The following NPR2 variants were observed in gnomAD, a reference collection of about 807,000 sequenced individuals.
The protein encoded by NPR2 is atrial natriuretic peptide receptor 2.
NPR2 carries 49 observed loss-of-function variants against 120.7 expected under a neutral mutation model. That is an observed-to-expected ratio of 0.41 (90% CI 0.32 to 0.52). The LOEUF (loss-of-function observed/expected upper bound fraction) is 0.52. NPR2 is among the 20% of genes least tolerant of loss of function. NPR2 has a pLI of 0.36. For synonymous variants in NPR2, 484 were observed against 519.8 expected (o/e 0.93, Z 0.94); for missense variants, 931 against 1,362.9 (o/e 0.68, Z 4.99).
rs572371584 is a variant in NPR2 at position 35,793,491 on chromosome 9, C to T, written c.668-407C>T. Reference sequence around the variant, plus strand: ...GTAAAAATAATGAGGGCTCCATGAACGGACTCAGGGCTCAGCAGATTTGGG... The same window carrying T: ...GTAAAAATAATGAGGGCTCCATGAATGGACTCAGGGCTCAGCAGATTTGGG... On this transcript the variant is annotated intron_variant, in intron 1 of 21. Coordinates refer to ENST00000342694, the MANE Select transcript of NPR2 (RefSeq NM_003995.4). Among the ~76,000 whole-genome samples, 6 of 152,180 alleles carry T rather than the reference C, an allele frequency of 3.9e-5. No individual in the cohort carries two copies. The South Asian group carries it at 6.2e-4, about 16-fold the overall frequency.
Position 35,794,042 on chromosome 9 carries a change from G to T in NPR2, c.812G>T (p.Gly271Val). Reference protein sequence around the residue: ...SLRAGPTRATGRPWQDNRTRE... With the variant: ...SLRAGPTRATVRPWQDNRTRE... Reference sequence around the variant, plus strand: ...CGTGCAGGCCCCACACGTGCTACAGGCCGGCCCTGGCAGGACAATCGCACC... The same window carrying T: ...CGTGCAGGCCCCACACGTGCTACAGTCCGGCCCTGGCAGGACAATCGCACC... The change falls in exon 2 of 22, where the codon GGC (glycine) becomes GTC (valine). Residue 271 changes from glycine to valine, a missense_variant. Physicochemically the swap from Gly to Val is moderately radical, Grantham distance 109. This residue lies in a region of NPR2 where 681 missense variants were observed against 974.3 expected (regional missense o/e 0.70). Coordinates refer to ENST00000342694, the MANE Select transcript of NPR2 (RefSeq NM_003995.4). 6.2e-7 allele frequency: 1 copy of T among 1,614,218 alleles called. No homozygotes were observed. Among genetic ancestry groups the T allele is most frequent in the South Asian group, 1.1e-5 (1 of 91,088 alleles).
At chr9:35,796,232 G>A (rs938323443) in intron 2 of NPR2, among the ~76,000 whole-genome samples, 2 of 152,116 alleles carry the variant, frequency 1.3e-5, no homozygotes, top group Non-Finnish European at 1.5e-5. Flanking sequence ...GCCCAAGTTG[G>A]AGAGCAGTGG....
rs1828602154 is a variant in NPR2 at position 35,809,128 on chromosome 9, A to T, written c.2987-28A>T. ...TGCCTTTTCTTTGATTCCTCATTCC[A>T]CCATCCTCCCCATTCCACCCACCCC... On this transcript the variant is annotated intron_variant, in intron 20 of 21. Coordinates refer to ENST00000342694, the MANE Select transcript of NPR2 (RefSeq NM_003995.4). This position sits in a 1 kb window ranked among gnomAD's most constrained non-coding sequence, Gnocchi z 4.1. The T allele has an allele frequency of 6.3e-7, 1 of 1,585,170 alleles. No individual in the cohort carries two copies. The highest frequency in any genetic ancestry group is 8.7e-7 in the Non-Finnish European group (1 of 1,154,148).
In NPR2 at chr9:35,791,702, G is replaced by A. The variant is rs1827787042; in HGVS notation, c.-707G>A. ...CAGGCGGGGGGCGGGAGGAAGCGCCGGGCAGCGCCGGCCGCCAGGGCCCAG... is the reference window on the plus strand; with the variant it reads ...CAGGCGGGGGGCGGGAGGAAGCGCCAGGCAGCGCCGGCCGCCAGGGCCCAG... On this transcript the variant is annotated 5_prime_UTR_variant, in exon 1 of 22. Transcript: ENST00000342694. 6.6e-6 allele frequency among the ~76,000 whole-genome samples: 1 copy of A among 151,264 alleles called. No individual in the cohort carries two copies. Among genetic ancestry groups the A allele is most frequent in the South Asian group, 2.1e-4 (1 of 4,820 alleles).
intron 12 of NPR2, among the ~76,000 whole-genome samples, chr9:35,804,324 C>T (rs992352781): frequency 6.6e-6 from 1 of 151,928 alleles, no homozygotes; most frequent in East Asian, 1.9e-4. Flanking sequence ...GCTTCGACCT[C>T]CTGGGCTCAA....
chr9:35,802,577 C>A lies in NPR2; in HGVS notation c.1785C>A (p.Val595=). Residue 595 remains valine (V), a synonymous_variant, in exon 11 of 22, where the codon GTC becomes GTA. Transcript: ENST00000342694. The surrounding 1 kb of genome is among the most constrained non-coding windows in gnomAD (Gnocchi z 4.2). The stretch of plus-strand genomic sequence containing the variant: ...TAGACCCTCCCAACATTTGCATTGT[C>A]ACTGAATACTGTCCTCGTGGGAGTT... ...ACIDPPNICI[V]TEYCPRGSLQ... is the part of the protein sequence containing the mutation. 1 of 1,604,550 alleles carries A rather than the reference C, an allele frequency of 6.2e-7. No homozygotes were observed. The highest frequency in any genetic ancestry group is 1.1e-5 in the South Asian group (1 of 90,882).
In NPR2 at chr9:35,809,594, C is replaced by G. The variant is rs977861184; in HGVS notation, c.*149C>G. ...CCTACCTTATATGGAAGTTGTAGCC[C>G]TCTGCAGCTCAGCCCTGTACATATA... On this transcript the variant is annotated 3_prime_UTR_variant, in exon 22 of 22. Transcript: ENST00000342694. This position sits in a 1 kb window ranked among gnomAD's most constrained non-coding sequence, Gnocchi z 4.1. 1 of 1,320,090 alleles carries G rather than the reference C, an allele frequency of 7.6e-7. No individual in the cohort carries two copies. Among genetic ancestry groups the G allele is most frequent in the Admixed American group, 1.7e-5 (1 of 59,634 alleles). 81.8% of individuals were successfully genotyped at this position (1,320,090 alleles called of 1,614,324 possible). A position where few individuals can be genotyped will look rare whatever the true frequency, so the allele number is the denominator to read the frequency against.
chr9:35,793,201 A>C (rs1827842440), intron 1 of NPR2, 126 bp downstream of exon 1: 2 of 1,058,766 alleles, frequency 1.9e-6, no homozygotes, highest in Non-Finnish European at 2.7e-6. Context: ...GGGATCAAGA[A>C]GCACACGTGG....
Position 35,801,636 on chromosome 9 carries a change from C to T in NPR2, c.1437-7C>T, listed in dbSNP as rs1391716027. The T allele has an allele frequency of 6.2e-7, 1 of 1,614,044 alleles. No homozygotes were observed. Among genetic ancestry groups the T allele is most frequent in the Non-Finnish European group, 8.5e-7 (1 of 1,180,018 alleles). On this transcript the variant is annotated splice_polypyrimidine_tract_variant and splice_region_variant and intron_variant, in intron 7 of 21. Transcript: ENST00000342694. ...TGCCAGTCAACTGAGGTGTGCAGTC[C>T]TTACAGAAAGCTGATGCTGGAGAAG... is the stretch of plus-strand genomic sequence containing the variant.
chr9:35,809,206 G>A lies in NPR2; in HGVS notation c.3037G>A (p.Gly1013Arg). Reference protein sequence around the residue: ...STTKDALDELGCFQLELRGDV... With the variant: ...STTKDALDELRCFQLELRGDV... ...CACCAAGGATGCCCTAGATGAGCTA[G>A]GATGCTTCCAGCTAGAGCTTCGGGG... The change falls in exon 21 of 22, where the codon GGA becomes AGA. Residue 1013 changes from glycine (G) to arginine (R), a missense_variant. Physicochemically the swap from Gly to Arg is moderately radical, Grantham distance 125. This residue lies in a region of NPR2 where 184 missense variants were observed against 328.3 expected (regional missense o/e 0.56). Coordinates refer to ENST00000342694, the MANE Select transcript of NPR2 (RefSeq NM_003995.4). The surrounding 1 kb of genome is among the most constrained non-coding windows in gnomAD (Gnocchi z 4.1). 1 of 1,614,044 alleles carries A rather than the reference G, an allele frequency of 6.2e-7. No homozygotes were observed. Among genetic ancestry groups the A allele is most frequent in the Non-Finnish European group, 8.5e-7 (1 of 1,180,004 alleles).
rs1381428453 is a variant in NPR2 at position 35,802,249 on chromosome 9, A to G, written c.1676A>G (p.Glu559Gly). The G allele has an allele frequency of 6.2e-7, 1 of 1,608,520 alleles. No homozygotes were observed. The highest frequency in any genetic ancestry group is 8.5e-7 in the Non-Finnish European group (1 of 1,175,244). ...AIKHVNKKRI[E>G]LTRQVLFELK... ...AAACATGTGAATAAGAAGCGCATTG[A>G]GCTGACCCGGCAGGTTCTGTTTGAA... The change falls in exon 10 of 22, where the codon GAG becomes GGG. Residue 559 changes from glutamate to glycine, a missense_variant. Around this residue, in one of 3 missense-constraint regions of NPR2, gnomAD observed 681 missense variants for 974.3 expected, o/e 0.70. Coordinates refer to ENST00000342694, the MANE Select transcript of NPR2 (RefSeq NM_003995.4). This position sits in a 1 kb window ranked among gnomAD's most constrained non-coding sequence, Gnocchi z 4.2.
rs145008570 is a variant in NPR2, at chr9:35,808,636, G to A, written c.2840G>A (p.Arg947His). ...GATGCAGTTTCTTCCTTTCGCATCC[G>A]CCACCGACCCCATGACCAGCTGAGG... ...LLDAVSSFRI[R>H]HRPHDQLRLR... The change falls in exon 19 of 22, where the codon CGC becomes CAC. Residue 947 changes from arginine (R) to histidine (H), a missense_variant. Arg to His is a conservative substitution (Grantham distance 29). This residue lies in a region of NPR2 where 184 missense variants were observed against 328.3 expected (regional missense o/e 0.56). Coordinates refer to ENST00000342694, the MANE Select transcript of NPR2 (RefSeq NM_003995.4). This position sits in a 1 kb window ranked among gnomAD's most constrained non-coding sequence, Gnocchi z 4.0. 193 of 1,613,768 alleles carry A rather than the reference G, an allele frequency of 1.2e-4. No homozygotes were observed. The highest frequency in any genetic ancestry group is 1.4e-4 in the Non-Finnish European group (168 of 1,179,974).
At position 35,799,611 on chromosome 9, in the gene NPR2, G is replaced by A; in HGVS notation, c.874-7G>A. The A allele has an allele frequency of 6.3e-7, 1 of 1,595,524 alleles. No homozygotes were observed. The highest frequency in any genetic ancestry group is 8.6e-7 in the Non-Finnish European group (1 of 1,163,180). On this transcript the variant is annotated splice_polypyrimidine_tract_variant and splice_region_variant and intron_variant, in intron 2 of 21. Coordinates refer to ENST00000342694, the MANE Select transcript of NPR2 (RefSeq NM_003995.4). ...TGTTCACTCTTCCCCATATGCTGCT[G>A]GTACAGACTGTATTGGTGATCACGT... is the stretch of plus-strand genomic sequence containing the variant.
intron 2 of NPR2, among the ~76,000 whole-genome samples, chr9:35,795,822 A>T (rs1827929580): frequency 6.6e-6 from 1 of 152,150 alleles, no homozygotes; most frequent in Non-Finnish European, 1.5e-5. Flanking sequence ...GCTTAACTCC[A>T]TCTACCATAG....
Position 35,803,260 on chromosome 9 carries a change from C to T in NPR2, c.1887+457C>T, listed in dbSNP as rs1404063059. Among the ~76,000 whole-genome samples, 27 of 130,604 alleles carry T rather than the reference C, an allele frequency of 2.1e-4. 8 individuals are homozygous for T. Among genetic ancestry groups the T allele is most frequent in the Admixed American group, 1.6e-3 (21 of 13,364 alleles). The allele number at this position is 130,604 out of a possible 152,430, so 85.7% of individuals were successfully genotyped here. A position where few individuals can be genotyped will look rare whatever the true frequency, so the allele number is the denominator to read the frequency against. On this transcript the variant is annotated intron_variant, in intron 12 of 21. Coordinates refer to ENST00000342694, the MANE Select transcript of NPR2 (RefSeq NM_003995.4). Reference sequence around the variant, plus strand: ...CTGGGACTACAGGCGCCCGCCACTACGCCCGGCTAATTTTTTTGTATTTTT... The same window carrying T: ...CTGGGACTACAGGCGCCCGCCACTATGCCCGGCTAATTTTTTTGTATTTTT...
chr9:35,803,126 C>T (rs1352277583), intron 12 of NPR2, among the ~76,000 whole-genome samples: 1 of 135,410 alleles, frequency 7.4e-6, no homozygotes, highest in African/African-American at 3.2e-5. Flanking sequence ...TTTTTTGAGA[C>T]GGAGTCTCGC....
rs1203077770 is a variant in NPR2 at position 35,801,506 on chromosome 9, C to T, written c.1437-137C>T. On this transcript the variant is annotated intron_variant, in intron 7 of 21. Coordinates refer to ENST00000342694, the MANE Select transcript of NPR2 (RefSeq NM_003995.4). ...TGTGCCAGATATGCCGAGAATGCAG[C>T]CTTATCTTCCAGCCCTGTCTCTCAG... 1.7e-5 allele frequency: 16 copies of T among 917,078 alleles called. No individual in the cohort carries two copies. In the East Asian group the frequency reaches 3.8e-4, roughly 22 times the overall value. The allele number at this position is 917,078 out of a possible 1,614,324, so 56.8% of individuals were successfully genotyped here. A position where few individuals can be genotyped will look rare whatever the true frequency, so the allele number is the denominator to read the frequency against.
intron 12 of NPR2, among the ~76,000 whole-genome samples, chr9:35,803,325 C>T (rs1828245805): frequency 1.2e-5 from 1 of 83,862 alleles, no homozygotes; most frequent in Admixed American, 1.1e-4. Context: ...GGGATGGTCT[C>T]GATCTCTTGA....
Position 35,805,591 on chromosome 9 carries a change from T to C in NPR2, c.1968T>C (p.Phe656=). 1 of 1,614,260 alleles carries C rather than the reference T, an allele frequency of 6.2e-7. No individual in the cohort carries two copies. The highest frequency in any genetic ancestry group is 8.5e-7 in the Non-Finnish European group (1 of 1,180,046). ...KSSNCVVDSR[F]VLKITDYGLA... Reference sequence around the variant, plus strand: ...CCAACTGTGTGGTGGATAGTCGTTTTGTGCTCAAAATCACAGACTATGGCC... The same window carrying C: ...CCAACTGTGTGGTGGATAGTCGTTTCGTGCTCAAAATCACAGACTATGGCC... Residue 656 remains phenylalanine (F), a synonymous_variant, in exon 13 of 22, where the codon TTT becomes TTC. Transcript: ENST00000342694. This position sits in a 1 kb window ranked among gnomAD's most constrained non-coding sequence, Gnocchi z 4.9.
Sources: allele counts gnomAD v4.1 joint callset (sites outside exome capture counted in the v4.1 genomes callset), GRCh38; gene constraint gnomAD v4.1.1; regional missense constraint gnomAD v4.1.1; non-coding constraint Gnocchi (gnomAD v3.1); transcripts MANE v1.5; gene names NCBI Gene and HGNC (gene_info 2026-07-23, HGNC 2026-07-21).